Variants in AFF3 observed in about 807,000 individuals in gnomAD.
AFF3 encodes the protein ALF transcription elongation factor 3.
AFF3 carries 32 observed loss-of-function variants against 129.7 expected under a neutral mutation model. The ratio of observed to expected loss-of-function variants is 0.25; its 90% CI spans 0.19 to 0.33. The LOEUF is 0.33. Ranked by LOEUF, AFF3 falls within the 10% of genes least tolerant of loss-of-function variation. The probability of loss-of-function intolerance (pLI) is 1.00; values close to 1 mark genes in which losing one functional copy is unlikely to be tolerated. For missense variants in AFF3, 1,373 were observed against 1,592.0 expected (o/e 0.86, Z 2.34); for synonymous variants, 644 against 635.4 (o/e 1.01, Z -0.20).
intron 1 of AFF3, among the ~76,000 whole-genome samples, chr2:100,132,242 C>T (rs1692455060): frequency 6.6e-6 from 1 of 152,110 alleles, no homozygotes; most frequent in South Asian, 2.1e-4. Context: ...TCCAAGTATC[C>T]TCACAACACA....
chr2:99,747,651 A>T (rs745781307), intron 9 of AFF3, among the ~76,000 whole-genome samples: 4 of 152,222 alleles, frequency 2.6e-5, no homozygotes, highest in African/African-American at 4.8e-5. Flanking sequence ...CACCTGTGTG[A>T]TTAATAACCA....
At chr2:100,124,971 C>T (rs937948278) in intron 2 of AFF3, among the ~76,000 whole-genome samples, 1 of 152,172 alleles carries the variant, frequency 6.6e-6, no homozygotes, top group Admixed American at 6.5e-5. Flanking sequence ...ATTCCTAATA[C>T]ATGACTTCAT....
chr2:99,820,898 A>C (rs1422876574), intron 8 of AFF3, among the ~76,000 whole-genome samples: 3 of 106,486 alleles, frequency 2.8e-5, no homozygotes, highest in African/African-American at 1.0e-4. Context: ...TTTTGGATAG[A>C]GTCTCACTCC....
chr2:99,669,200 C>T (rs562373663), intron 12 of AFF3, among the ~76,000 whole-genome samples: 1 of 152,260 alleles, frequency 6.6e-6, no homozygotes, highest in Non-Finnish European at 1.5e-5. Context: ...TTCCCATGTG[C>T]TCAACAAAAG....
chr2:100,083,170 A>T (rs1689154544), intron 4 of AFF3, among the ~76,000 whole-genome samples: 1 of 152,246 alleles, frequency 6.6e-6, no homozygotes, highest in Non-Finnish European at 1.5e-5. Context: ...ATTTATATAC[A>T]ACATTGCCCC....
chr2:99,910,991 T>C (rs1695071714), intron 7 of AFF3, among the ~76,000 whole-genome samples: 1 of 152,214 alleles, frequency 6.6e-6, no homozygotes. Flanking sequence ...GAAGTTTAAC[T>C]GAAGAATCTT....
chr2:99,639,161 CTCT>C (rs1683952186), intron 13 of AFF3, among the ~76,000 whole-genome samples: 1 of 152,162 alleles, frequency 6.6e-6, no homozygotes, highest in South Asian at 2.1e-4. Context: ...TCAGCCTGCT[CTCT>C]TCTTCTATTG....
intron 13 of AFF3, among the ~76,000 whole-genome samples, chr2:99,640,129 T>C (rs992242618): frequency 6.6e-6 from 1 of 152,188 alleles, no homozygotes; most frequent in Admixed American, 6.5e-5. Flanking sequence ...GTAAAACATA[T>C]TTCAAAATAG....
At chr2:99,632,789 C>T (rs1340485669) in intron 13 of AFF3, among the ~76,000 whole-genome samples, 1 of 152,188 alleles carries the variant, frequency 6.6e-6, no homozygotes, top group Non-Finnish European at 1.5e-5. Context: ...TAGTTGAAGT[C>T]TCACGTAATT....
At chr2:100,047,820 G>A (rs1309323903) in intron 4 of AFF3, among the ~76,000 whole-genome samples, 1 of 152,114 alleles carries the variant, frequency 6.6e-6, no homozygotes, top group Non-Finnish European at 1.5e-5. Context: ...ATTAACTAGT[G>A]CCATAAAAGA....
intron 7 of AFF3, among the ~76,000 whole-genome samples, chr2:99,918,364 T>C (rs947959337): frequency 1.3e-5 from 2 of 152,214 alleles, no homozygotes; most frequent in Non-Finnish European, 2.9e-5. Flanking sequence ...TAAACTAGAC[T>C]AATTCACATC....
rs61547257 is a variant in AFF3, at chr2:99,768,137, G to A, written c.922-15836C>T. On this transcript the variant is annotated intron_variant, in intron 8 of 24. Coordinates refer to ENST00000672756, the MANE Select transcript of AFF3 (RefSeq NM_001386135.1). ...GATCCCTGGTGGGTTTGGGACACAT[G>A]ATTTCATTTTAGTTTTTAATTGAAA... Among the ~76,000 whole-genome samples, 815 of 152,266 alleles carry A rather than the reference G, an allele frequency of 5.4e-3. 11 individuals are homozygous for A. The highest frequency in any genetic ancestry group is 0.019 in the African/African-American group (780 of 41,540).
chr2:99,719,777 A>C (rs1451430059), intron 11 of AFF3, among the ~76,000 whole-genome samples: 2 of 152,126 alleles, frequency 1.3e-5, no homozygotes, highest in African/African-American at 4.8e-5. Flanking sequence ...TTGGCCGGGC[A>C]CGGTGGCTCA....
At chr2:99,653,272 A>G (rs1177863441) in intron 12 of AFF3, among the ~76,000 whole-genome samples, 2 of 152,252 alleles carry the variant, frequency 1.3e-5, no homozygotes, top group African/African-American at 2.4e-5. Flanking sequence ...ACATCATCTC[A>G]GCAGGAGCCA....
intron 15 of AFF3, among the ~76,000 whole-genome samples, chr2:99,592,655 T>A (rs757276315): frequency 6.6e-6 from 1 of 152,172 alleles, no homozygotes; most frequent in Non-Finnish European, 1.5e-5. Flanking sequence ...GATAATAGGC[T>A]GGGCGTGGTG....
intron 13 of AFF3, among the ~76,000 whole-genome samples, chr2:99,618,935 CA>C (rs1314375811): frequency 2.6e-5 from 3 of 116,858 alleles, no homozygotes; most frequent in African/African-American, 1.1e-4. Context: ...CATTCAGAGA[CA>C]GGGGCTTGCT....
At chr2:100,048,578 C>T (rs1005328151) in intron 4 of AFF3, among the ~76,000 whole-genome samples, 1 of 152,182 alleles carries the variant, frequency 6.6e-6, no homozygotes, top group Non-Finnish European at 1.5e-5. Context: ...TTACAAAATA[C>T]AACAGATTCT....
chr2:100,105,396 C>T (rs1240365544), intron 3 of AFF3, 108 bp downstream of exon 3: 1 of 1,295,244 alleles, frequency 7.7e-7, no homozygotes, highest in Admixed American at 2.4e-5. Context: ...GAGGAAACCT[C>T]TTCCACCCGG....
intron 13 of AFF3, among the ~76,000 whole-genome samples, chr2:99,617,888 T>TTAG (rs1326703485): frequency 2.0e-5 from 3 of 152,022 alleles, no homozygotes. Flanking sequence ...GCATATCAGG[T>TTAG]TAGTGGAGGA....
Sources: allele counts gnomAD v4.1 joint callset (sites outside exome capture counted in the v4.1 genomes callset), GRCh38; gene constraint gnomAD v4.1.1; transcripts MANE v1.5; gene names NCBI Gene and HGNC (gene_info 2026-07-23, HGNC 2026-07-21).